The following SYNE1 variants were observed in gnomAD, a reference collection of about 807,000 sequenced individuals.
SYNE1 encodes nesprin-1.
A neutral mutation model predicts 1,111.0 loss-of-function variants in SYNE1; 616 were observed. The ratio of observed to expected loss-of-function variants is 0.55; its 90% CI spans 0.52 to 0.59. The LOEUF is 0.59. SYNE1 is among the 20% of genes least tolerant of loss of function. The pLI is 0.00. For synonymous variants in SYNE1, 3,855 were observed against 3,825.8 expected (o/e 1.01, Z -0.28); for missense variants, 10,006 against 10,417.0 (o/e 0.96, Z 1.72).
intron 104 of SYNE1, 46 bp downstream of exon 104, chr6:152,254,834 A>G: frequency 6.5e-7 from 1 of 1,545,370 alleles, no homozygotes; most frequent in African/African-American, 1.4e-5. Flanking sequence ...ACTATTACTG[A>G]ATACCTAGAG....
chr6:152,599,392 C>G (rs925109910), intron 3 of SYNE1, among the ~76,000 whole-genome samples: 3 of 152,178 alleles, frequency 2.0e-5, no homozygotes, highest in Non-Finnish European at 4.4e-5. Flanking sequence ...CACTTCCCGC[C>G]CTTGACATGC....
At chr6:152,366,397 C>T (rs2097080350) in intron 62 of SYNE1, among the ~76,000 whole-genome samples, 1 of 151,956 alleles carries the variant, frequency 6.6e-6, no homozygotes, top group Non-Finnish European at 1.5e-5. Flanking sequence ...CGCAGTGGCT[C>T]ACACCTGTAA....
chr6:152,477,326 G>A (rs185690461), intron 14 of SYNE1, among the ~76,000 whole-genome samples: 6 of 152,142 alleles, frequency 3.9e-5, no homozygotes, highest in African/African-American at 1.4e-4. Context: ...GGAGTTTGGG[G>A]GAAGTTGTAA....
intron 3 of SYNE1, among the ~76,000 whole-genome samples, chr6:152,589,872 A>G (rs1212079449): frequency 1.3e-5 from 2 of 151,492 alleles, no homozygotes; most frequent in East Asian, 3.9e-4. Context: ...CTGTCTCAAT[A>G]TATAAAAGCA....
intron 11 of SYNE1, among the ~76,000 whole-genome samples, chr6:152,497,759 TA>T (rs1434398642): frequency 6.6e-6 from 1 of 152,210 alleles, no homozygotes; most frequent in Non-Finnish European, 1.5e-5. Context: ...TTCTCCTTTC[TA>T]AGAGAAAAAT....
At chr6:152,209,200 T>C (rs1178622731) in intron 124 of SYNE1, among the ~76,000 whole-genome samples, 1 of 152,222 alleles carries the variant, frequency 6.6e-6, no homozygotes, top group Non-Finnish European at 1.5e-5. Flanking sequence ...TCCTCTTCTC[T>C]TGAGGGTAGC....
In SYNE1 at chr6:152,330,267, C is replaced by T; in HGVS notation, c.14418G>A (p.Glu4806=). ...SVKEEQSKVN[E]ETLPAEEKLK... ...GCTTCTCCTCTGCAGGCAGCGTTTC[C>T]TCATTCACTTTGGACTGCTCCTCTT... is the stretch of plus-strand genomic sequence containing the variant. The change falls in exon 78 of 146, where the codon GAG becomes GAA. Residue 4806 remains glutamate, a synonymous_variant. Coordinates refer to ENST00000367255, the MANE Select transcript of SYNE1 (RefSeq NM_182961.4). 2 of 1,614,170 alleles carry T rather than the reference C, an allele frequency of 1.2e-6. No individual in the cohort carries two copies. Among genetic ancestry groups the T allele is most frequent in the Non-Finnish European group, 1.7e-6 (2 of 1,180,036 alleles).
intron 145 of SYNE1, chr6:152,127,773 A>G (rs1365814457): frequency 6.6e-6 from 1 of 152,248 alleles, no homozygotes; most frequent in Non-Finnish European, 1.5e-5. Context: ...AAGACTTCAA[A>G]ACAAATTCTA....
intron 3 of SYNE1, among the ~76,000 whole-genome samples, chr6:152,598,930 C>T (rs1476496516): frequency 6.6e-6 from 1 of 152,144 alleles, no homozygotes; most frequent in Non-Finnish European, 1.5e-5. Context: ...CAGAGAGAAG[C>T]CTAATAATAA....
intron 53 of SYNE1, among the ~76,000 whole-genome samples, chr6:152,389,379 C>A (rs73003026): frequency 2.0e-5 from 3 of 152,234 alleles, no homozygotes; most frequent in Non-Finnish European, 4.4e-5. Context: ...AAGGAGGCAC[C>A]AGTGTCTGTT....
chr6:152,343,594 T>C (rs890107445), intron 74 of SYNE1, among the ~76,000 whole-genome samples: 2 of 151,974 alleles, frequency 1.3e-5, no homozygotes, highest in African/African-American at 4.8e-5. Flanking sequence ...AGTGGCATGA[T>C]CTCGGCTCAC....
At chr6:152,278,776 G>GA (rs2093817882) in intron 97 of SYNE1, among the ~76,000 whole-genome samples, 2 of 148,658 alleles carry the variant, frequency 1.3e-5, no homozygotes, top group Admixed American at 1.3e-4. Context: ...TTTTGTTTTT[G>GA]TTTTTTTTTG....
At chr6:152,443,264 T>C (rs1405448869) in intron 30 of SYNE1, among the ~76,000 whole-genome samples, 1 of 152,164 alleles carries the variant, frequency 6.6e-6, no homozygotes, top group East Asian at 1.9e-4. Flanking sequence ...ATATTAATTT[T>C]TTATACTCAG....
chr6:152,630,762 C>T (rs2099696604), intron 2 of SYNE1, among the ~76,000 whole-genome samples: 1 of 152,206 alleles, frequency 6.6e-6, no homozygotes, highest in Non-Finnish European at 1.5e-5. Flanking sequence ...GATTAACACA[C>T]AGTCCCCACC....
chr6:152,127,040 TTTCCTGGATATATGG>T (rs776260935), intron 145 of SYNE1: 10 of 152,184 alleles, frequency 6.6e-5, no homozygotes, highest in Non-Finnish European at 1.5e-4. Flanking sequence ...AAACCCAGTG[TTTCCTGGATATATGG>T]TTCAGGAGAC....
intron 127 of SYNE1, among the ~76,000 whole-genome samples, chr6:152,193,819 G>A (rs762505243): frequency 5.9e-5 from 9 of 151,850 alleles, no homozygotes; most frequent in Non-Finnish European, 1.0e-4. Flanking sequence ...AAACCATCCT[G>A]ACTAACACGG....
intron 3 of SYNE1, among the ~76,000 whole-genome samples, chr6:152,570,649 A>C (rs1377340582): frequency 1.3e-5 from 2 of 152,108 alleles, no homozygotes; most frequent in Non-Finnish European, 2.9e-5. Flanking sequence ...GGTGTGCTGC[A>C]CCTATTCCCA....
intron 3 of SYNE1, among the ~76,000 whole-genome samples, chr6:152,558,941 T>C (rs1246754351): frequency 6.6e-6 from 1 of 151,958 alleles, no homozygotes; most frequent in African/African-American, 2.4e-5. Flanking sequence ...TATATTAATA[T>C]ATTAGACCAC....
At chr6:152,486,209 TTA>T (rs1491511455) in intron 12 of SYNE1, among the ~76,000 whole-genome samples, 4 of 127,322 alleles carry the variant, frequency 3.1e-5, no homozygotes, top group East Asian at 2.5e-4. Flanking sequence ...AAAAAAAATA[TTA>T]AAAAAAACAA....
Sources: allele counts gnomAD v4.1 joint callset (sites outside exome capture counted in the v4.1 genomes callset), GRCh38; gene constraint gnomAD v4.1.1; transcripts MANE v1.5; gene names NCBI Gene and HGNC (gene_info 2026-07-23, HGNC 2026-07-21).